The following ADCY7 variants were observed in gnomAD, a reference collection of about 807,000 sequenced individuals.
ADCY7 encodes the protein adenylate cyclase type 7.
In ADCY7, 72 loss-of-function variants were observed where a neutral mutation model predicts 120.6. The ratio of observed to expected loss-of-function variants is 0.60; its 90% CI spans 0.49 to 0.73. The LOEUF is 0.73. ADCY7 is among the 30% of genes least tolerant of loss of function. The pLI is 0.00. For synonymous variants in ADCY7, 661 were observed against 628.0 expected (o/e 1.05, Z -0.78); for missense variants, 1,227 against 1,486.0 (o/e 0.83, Z 2.87).
rs373276874 is a variant in ADCY7, at chr16:50,293,509, G to A, written c.836+7G>A. ...AGAGGCACCAGAATGTCAGGTGGGC[G>A]GTGAGACGTGTGATTAGCATATCCC... is the stretch of plus-strand genomic sequence containing the variant. On this transcript the variant is annotated splice_region_variant and intron_variant, in intron 6 of 25. Coordinates refer to ENST00000673801, the MANE Select transcript of ADCY7 (RefSeq NM_001114.5). 3.7e-4 allele frequency: 591 copies of A among 1,613,596 alleles called. 9 individuals are homozygous for A. The South Asian group carries it at 5.9e-3, about 16-fold the overall frequency.
Position 50,268,556 on chromosome 16 carries a change from C to T in ADCY7, c.-269+1876C>T, listed in dbSNP as rs74634413. On this transcript the variant is annotated intron_variant, in intron 1 of 25. Coordinates refer to ENST00000673801, the MANE Select transcript of ADCY7 (RefSeq NM_001114.5). ...GCTGGGATTACAAGCATGAGCCCGACGCCCAGCCTTCTAGTGCTGTTTTCA... is the reference window on the plus strand; with the variant it reads ...GCTGGGATTACAAGCATGAGCCCGATGCCCAGCCTTCTAGTGCTGTTTTCA... Among the ~76,000 whole-genome samples, 23 of 152,318 alleles carry T rather than the reference C, an allele frequency of 1.5e-4. No individual in the cohort carries two copies. The East Asian group carries it at 3.5e-3, about 23-fold the overall frequency.
intron 3 of ADCY7, 120 bp from the exon 4 acceptor site, chr16:50,291,610 CAGGGGG>C: frequency 9.6e-7 from 1 of 1,042,894 alleles, no homozygotes; most frequent in Non-Finnish European, 1.4e-6. Context: ...TCTGCCCACG[CAGGGGG>C]TGGCGAGGGA....
rs2036829749 is a variant in ADCY7 at position 50,317,006 on chromosome 16, C to T, written c.*1501C>T. ...GGTGACTGACCAGACTTGTTGGGGT[C>T]CTGGGATGAGTTGCCCCGGGCTGCA... On this transcript the variant is annotated 3_prime_UTR_variant, in exon 26 of 26. Transcript: ENST00000673801. 1 of 152,646 alleles carries T rather than the reference C, an allele frequency of 6.6e-6. No individual in the cohort carries two copies. The highest frequency in any genetic ancestry group is 1.5e-5 in the Non-Finnish European group (1 of 68,052). The allele number at this position is 152,646 out of a possible 1,614,324, so 9.5% of individuals were successfully genotyped here.
chr16:50,298,841 G>A lies in ADCY7; in HGVS notation c.949-63G>A, dbSNP rs764572797. 4.5e-5 allele frequency: 70 copies of A among 1,561,296 alleles called. No individual in the cohort carries two copies. The East Asian group carries it at 1.0e-3, about 23-fold the overall frequency. ...TGCACCCTGGAGGGTGGGGGGAGGC[G>A]GCTGTCGTGAGAGGTCCCAGCCCCA... On this transcript the variant is annotated intron_variant, in intron 7 of 25. Coordinates refer to ENST00000673801, the MANE Select transcript of ADCY7 (RefSeq NM_001114.5).
intron 1 of ADCY7, among the ~76,000 whole-genome samples, chr16:50,255,353 G>A (rs2032881429): frequency 7.5e-6 from 1 of 133,080 alleles, no homozygotes; most frequent in Non-Finnish European, 1.5e-5. Context: ...TAAAGTGCTG[G>A]GATTACAGGC....
intron 21 of ADCY7, 24 bp downstream of exon 21, chr16:50,312,215 G>GGGGGCAGGGAGGCGGACGGTCCA (rs764233695): frequency 7.8e-6 from 12 of 1,530,228 alleles, no homozygotes; most frequent in Non-Finnish European, 1.1e-5. Flanking sequence ...GGGCTGGGGC[G>GGGGGCAGGGAGGCGGACGGTCCA]GGGGCAGGGA....
intron 8 of ADCY7, among the ~76,000 whole-genome samples, chr16:50,300,371 C>T (rs544855346): frequency 6.6e-6 from 1 of 152,310 alleles, no homozygotes; most frequent in African/African-American, 2.4e-5. Flanking sequence ...CACGCCCGGC[C>T]CCCAGTAAAC....
intron 14 of ADCY7, among the ~76,000 whole-genome samples, chr16:50,306,363 A>G (rs935081185): frequency 2.0e-5 from 3 of 152,184 alleles, no homozygotes; most frequent in African/African-American, 7.2e-5. Flanking sequence ...ACAGAGAGGA[A>G]ACTGGCTCTC....
Position 50,298,899 on chromosome 16 carries a change from T to C in ADCY7, c.949-5T>C. The C allele has an allele frequency of 6.2e-7, 1 of 1,612,820 alleles. No homozygotes were observed. The highest frequency in any genetic ancestry group is 8.5e-7 in the Non-Finnish European group (1 of 1,179,228). On this transcript the variant is annotated splice_polypyrimidine_tract_variant and splice_region_variant and intron_variant, in intron 7 of 25. Coordinates refer to ENST00000673801, the MANE Select transcript of ADCY7 (RefSeq NM_001114.5). The stretch of plus-strand genomic sequence containing the variant: ...CAGTGACCAGGCCCTTCCCTCACCC[T>C]GCAGGCCAACGAGTGCATGCGAATC...
At chr16:50,310,305 G>C (rs1372930064) in intron 18 of ADCY7, 1 of 694,748 alleles carries the variant, frequency 1.4e-6, no homozygotes, top group Admixed American at 2.4e-5. Context: ...GAAGAGCGTG[G>C]TCTTTATTCT....
upstream of ADCY7, among the ~76,000 whole-genome samples, chr16:50,265,801 G>C (rs1435659919): frequency 6.6e-6 from 1 of 152,214 alleles, no homozygotes; most frequent in Non-Finnish European, 1.5e-5. Context: ...TGGCCAGCGG[G>C]CTGGAGGCCT....
In ADCY7 at chr16:50,288,066, C is replaced by T. The variant is rs916956666; in HGVS notation, c.-114C>T. On this transcript the variant is annotated 5_prime_UTR_variant, in exon 2 of 26. Transcript: ENST00000673801. ...CCTCTCCCCAGCCCTGCTTGCCTGC[C>T]TCGGAGAGGACAGAGGCCTAGGCCC... The T allele has an allele frequency of 1.5e-6, 2 of 1,302,308 alleles. No individual in the cohort carries two copies. Among genetic ancestry groups the T allele is most frequent in the Non-Finnish European group, 2.0e-6 (2 of 976,982 alleles). 80.7% of individuals were successfully genotyped at this position (1,302,308 alleles called of 1,614,324 possible).
intron 1 of ADCY7, among the ~76,000 whole-genome samples, chr16:50,287,695 AAGC>A (rs1347992739): frequency 6.6e-6 from 1 of 151,512 alleles, no homozygotes; most frequent in Non-Finnish European, 1.5e-5. Context: ...AAAAAAAAAA[AAGC>A]AGCCACATGT....
chr16:50,257,583 G>T (rs1320468549), intron 1 of ADCY7, among the ~76,000 whole-genome samples: 1 of 151,342 alleles, frequency 6.6e-6, no homozygotes, highest in African/African-American at 2.4e-5. Context: ...AATTATAACT[G>T]ATCAATTTAC....
upstream of ADCY7, among the ~76,000 whole-genome samples, chr16:50,245,889 G>A (rs1182357987): frequency 4.0e-5 from 6 of 150,440 alleles, no homozygotes; most frequent in Non-Finnish European, 8.9e-5. Flanking sequence ...TCCTTCCTGC[G>A]GCGCCCCGAG....
chr16:50,246,995 C>G (rs2032609546), intron 1 of ADCY7, among the ~76,000 whole-genome samples: 1 of 152,172 alleles, frequency 6.6e-6, no homozygotes, highest in Admixed American at 6.5e-5. Flanking sequence ...ACAGGATACC[C>G]TGTGTGGTCG....
intron 15 of ADCY7, among the ~76,000 whole-genome samples, chr16:50,307,922 G>A (rs1208315928): frequency 6.6e-6 from 1 of 151,380 alleles, no homozygotes; most frequent in Admixed American, 6.6e-5. Flanking sequence ...TGTGAACCTG[G>A]GAGGCGGAGG....
At chr16:50,294,561 C>T in intron 6 of ADCY7, 79 bp from the exon 7 acceptor site, 1 of 972,762 alleles carries the variant, frequency 1.0e-6, no homozygotes, top group Non-Finnish European at 1.6e-6. Flanking sequence ...CCTGGGGCTC[C>T]AGACAGTCCT....
intron 5 of ADCY7, 23 bp downstream of exon 5, chr16:50,292,848 C>T (rs574116235): frequency 5.6e-6 from 9 of 1,609,700 alleles, no homozygotes; most frequent in African/African-American, 1.3e-5. Flanking sequence ...CCCCACTCCT[C>T]ACCCTGTACA....
Sources: gnomAD v4.1 joint callset for allele counts (sites outside exome capture counted in the v4.1 genomes callset) on GRCh38, gnomAD v4.1.1 for gene constraint, MANE v1.5 for transcripts, NCBI Gene and HGNC (gene_info 2026-07-23, HGNC 2026-07-21) for gene names.